The following VPS53 variants were observed in gnomAD, a reference collection of about 807,000 sequenced individuals.
VPS53 encodes the protein VPS53 subunit of GARP complex.
Under a neutral mutation model 107.0 loss-of-function variants are expected in VPS53, and 70 were observed. The observed-to-expected ratio is 0.65, with a 90% CI of 0.54 to 0.80. The LOEUF is 0.80. VPS53 is among the 30% of genes least tolerant of loss of function. The pLI is 0.00. For missense variants in VPS53, 917 were observed against 1,049.4 expected (o/e 0.87, Z 1.74); for synonymous variants, 409 against 393.3 (o/e 1.04, Z -0.47).
rs61335321 is a variant in VPS53, at chr17:569,903, C to CAA, written c.1314-7160_1314-7159dup. ...TGGGCGACAGAGCAAGACTCTGCCTCAAAAAAAAAAAAAAGAAGAAAAATC... is the reference window on the plus strand; with the variant it reads ...TGGGCGACAGAGCAAGACTCTGCCTCAAAAAAAAAAAAAAAAGAAGAAAAATC... On this transcript the variant is annotated intron_variant, in intron 13 of 21. Transcript: ENST00000437048. 2.5e-3 allele frequency among the ~76,000 whole-genome samples: 267 copies of CAA among 106,184 alleles called. 2 individuals are homozygous for CAA. The highest frequency in any genetic ancestry group is 8.0e-3 in the African/African-American group (245 of 30,644). The allele number at this position is 106,184 out of a possible 152,430, so 69.7% of individuals were successfully genotyped here.
At chr17:647,378 T>C (rs1970752519) in intron 7 of VPS53, among the ~76,000 whole-genome samples, 1 of 152,246 alleles carries the variant, frequency 6.6e-6, no homozygotes, top group Admixed American at 6.5e-5. Context: ...GTGTATTTCT[T>C]ATCTTTGTGC....
At chr17:580,064 C>T (rs1401577760) in intron 13 of VPS53, among the ~76,000 whole-genome samples, 1 of 150,040 alleles carries the variant, frequency 6.7e-6, no homozygotes, top group Non-Finnish European at 1.5e-5. Flanking sequence ...AAACCTCCCT[C>T]AGGACCTAAT....
intron 2 of VPS53, among the ~76,000 whole-genome samples, chr17:707,339 T>C (rs542006892): frequency 6.6e-6 from 1 of 151,756 alleles, no homozygotes. Context: ...CTGGCCAACA[T>C]GGTGAAACCC....
intron 4 of VPS53, among the ~76,000 whole-genome samples, chr17:677,627 T>C (rs1972221074): frequency 6.6e-6 from 1 of 152,022 alleles, no homozygotes; most frequent in Non-Finnish European, 1.5e-5. Context: ...TATATACATA[T>C]TTTACAAGGT....
intron 2 of VPS53, among the ~76,000 whole-genome samples, chr17:702,571 C>T (rs1193043516): frequency 6.6e-6 from 1 of 151,872 alleles, no homozygotes; most frequent in Non-Finnish European, 1.5e-5. Flanking sequence ...GAGGCTGAGG[C>T]AGGAGAACTG....
intron 4 of VPS53, among the ~76,000 whole-genome samples, chr17:682,293 G>C (rs1972423151): frequency 6.6e-6 from 1 of 152,184 alleles, no homozygotes; most frequent in Non-Finnish European, 1.5e-5. Flanking sequence ...CTGATCAGCT[G>C]TGCTTCTGCC....
intron 7 of VPS53, among the ~76,000 whole-genome samples, chr17:644,668 C>T: frequency 6.6e-6 from 1 of 152,022 alleles, no homozygotes; most frequent in East Asian, 1.9e-4. Context: ...ACTGCAGCCT[C>T]CACTTCCGGA....
At chr17:561,855 C>A (rs1913031200) in intron 14 of VPS53, among the ~76,000 whole-genome samples, 1 of 152,204 alleles carries the variant, frequency 6.6e-6, no homozygotes, top group Non-Finnish European at 1.5e-5. Context: ...GTCTCAAACT[C>A]CTGACCTCAA....
intron 2 of VPS53, among the ~76,000 whole-genome samples, chr17:707,520 CAAAAAA>C (rs59159505): frequency 3.1e-5 from 3 of 95,408 alleles, no homozygotes; most frequent in Non-Finnish European, 2.2e-5. Context: ...GACTTTGTCT[CAAAAAA>C]AAAAAAAAAA....
At chr17:678,918 C>A (rs1051983665) in intron 4 of VPS53, among the ~76,000 whole-genome samples, 2 of 103,436 alleles carry the variant, frequency 1.9e-5, no homozygotes, top group African/African-American at 3.9e-5. Flanking sequence ...GGATGACAGG[C>A]GTGAGCCACC....
chr17:609,585 C>T (rs914067757), intron 11 of VPS53, among the ~76,000 whole-genome samples: 1 of 152,164 alleles, frequency 6.6e-6, no homozygotes, highest in African/African-American at 2.4e-5. Context: ...AGGCATGGCA[C>T]ATTAACACTG....
At chr17:695,380 G>A (rs1016127812) in intron 4 of VPS53, among the ~76,000 whole-genome samples, 2 of 152,020 alleles carry the variant, frequency 1.3e-5, no homozygotes, top group South Asian at 2.1e-4. Flanking sequence ...GAAATGCGGC[G>A]GCTTAAAGAA....
At chr17:567,731 AT>A (rs1407564961) in intron 13 of VPS53, among the ~76,000 whole-genome samples, 5 of 152,086 alleles carry the variant, frequency 3.3e-5, no homozygotes, top group African/African-American at 1.2e-4. Context: ...CTAAAAAAAA[AT>A]AAACAAATTA....
chr17:669,725 C>T (rs940026938), intron 4 of VPS53, among the ~76,000 whole-genome samples: 1 of 151,610 alleles, frequency 6.6e-6, no homozygotes, highest in Non-Finnish European at 1.5e-5. Context: ...AACCCCATCT[C>T]TACTAAAAAT....
At chr17:554,528 C>T (rs1424543124) in intron 15 of VPS53, among the ~76,000 whole-genome samples, 5 of 152,122 alleles carry the variant, frequency 3.3e-5, no homozygotes, top group African/African-American at 9.7e-5. Context: ...CTCAGCCTCC[C>T]GAGTAGCTGG....
chr17:529,869 CAAA>C (rs59345629), intron 19 of VPS53, among the ~76,000 whole-genome samples: 3 of 122,286 alleles, frequency 2.5e-5, no homozygotes, highest in Admixed American at 8.3e-5. Flanking sequence ...CTATATCTAC[CAAA>C]AAAAAAAAAA....
chr17:548,324 G>A (rs972594625), intron 17 of VPS53, among the ~76,000 whole-genome samples: 7 of 152,238 alleles, frequency 4.6e-5, no homozygotes, highest in African/African-American at 9.6e-5. Flanking sequence ...GTCTCCTTCC[G>A]TCAACTCAGA....
chr17:607,840 C>T (rs1804204993), intron 11 of VPS53, among the ~76,000 whole-genome samples: 1 of 152,022 alleles, frequency 6.6e-6, no homozygotes, highest in Non-Finnish European at 1.5e-5. Context: ...CAGTTCAGAC[C>T]ACAGGACAGT....
chr17:678,445 A>G (rs993545517), intron 4 of VPS53, among the ~76,000 whole-genome samples: 2 of 151,836 alleles, frequency 1.3e-5, no homozygotes, highest in Non-Finnish European at 2.9e-5. Context: ...CAAAAAACCC[A>G]TAAAAATAAA....
Sources: allele counts gnomAD v4.1 joint callset (sites outside exome capture counted in the v4.1 genomes callset), GRCh38; gene constraint gnomAD v4.1.1; transcripts MANE v1.5; gene names NCBI Gene and HGNC (gene_info 2026-07-23, HGNC 2026-07-21).